Variants in ALDH3A2 observed in about 807,000 individuals in gnomAD.
ALDH3A2 encodes the protein aldehyde dehydrogenase family 3 member A2.
In ALDH3A2, 36 loss-of-function variants were observed where a neutral mutation model predicts 51.3. The observed-to-expected ratio is 0.70, with a 90% CI of 0.54 to 0.93. The LOEUF (loss-of-function observed/expected upper bound fraction) is 0.93, where lower values mean the gene tolerates loss of function less well. Among genes scored for constraint, ALDH3A2 ranks in the 40% least tolerant of loss-of-function variants. ALDH3A2 has a pLI of 0.00. For synonymous variants in ALDH3A2, 199 were observed against 219.8 expected (o/e 0.91, Z 0.84); for missense variants, 552 against 603.1 (o/e 0.92, Z 0.89).
At chr17:19,658,554 GTC>G (rs1257056690) in intron 5 of ALDH3A2, among the ~76,000 whole-genome samples, 3 of 151,692 alleles carry the variant, frequency 2.0e-5, no homozygotes, top group African/African-American at 7.3e-5. Context: ...GTGAAACCCT[GTC>G]TCTACTAAAA....
intron 9 of ALDH3A2, 53 bp from the exon 10 acceptor site, chr17:19,675,505 G>A (rs2152334471): frequency 6.3e-7 from 1 of 1,593,146 alleles, no homozygotes; most frequent in South Asian, 1.1e-5. Context: ...GGCTGGTTGT[G>A]GGTAGGTTTT....
chr17:19,663,489 A>G lies in ALDH3A2; in HGVS notation c.1097A>G (p.His366Arg), dbSNP rs1320990535. ...EKPLALYVFS[H>R]NHKLIKRMID... is the part of the protein sequence containing the mutation. ...CCTCTGGCTCTTTATGTATTTTCGC[A>G]TAACCATAAGGTAAGCTTTAGAGAG... The change falls in exon 7 of 10, where the codon CAT (histidine) becomes CGT (arginine). Residue 366 changes from histidine (H) to arginine (R), a missense_variant. Physicochemically the swap from His to Arg is conservative, Grantham distance 29. Transcript: ENST00000176643. The G allele has an allele frequency of 2.3e-5, 37 of 1,613,998 alleles. No homozygotes were observed. The highest frequency in any genetic ancestry group is 3.1e-5 in the Non-Finnish European group (37 of 1,180,016).
intron 9 of ALDH3A2, chr17:19,674,404 C>T (rs1418893793): frequency 6.6e-6 from 1 of 152,116 alleles, no homozygotes; most frequent in African/African-American, 2.4e-5. Flanking sequence ...CAGGCAGGTT[C>T]GAGTTCCCAA....
intron 2 of ALDH3A2, 120 bp downstream of exon 2, chr17:19,651,898 C>CTGGTGGTGTAAA: frequency 1.1e-6 from 1 of 905,120 alleles, no homozygotes; most frequent in Non-Finnish European, 1.8e-6. Flanking sequence ...TTTGTTTACA[C>CTGGTGGTGTAAA]CACCAGTGTA....
chr17:19,657,933 G>A (rs2152328813), intron 5 of ALDH3A2, 71 bp downstream of exon 5: 6 of 1,226,418 alleles, frequency 4.9e-6, no homozygotes, highest in Non-Finnish European at 7.1e-6. Flanking sequence ...TTCGCAGGCA[G>A]CATCCCCATT....
chr17:19,668,672 C>T (rs2085071881), intron 8 of ALDH3A2, among the ~76,000 whole-genome samples: 1 of 80,370 alleles, frequency 1.2e-5, no homozygotes, highest in Non-Finnish European at 2.8e-5. Flanking sequence ...CACCTGTAAT[C>T]CCAGCACTTG....
chr17:19,663,495 A>G lies in ALDH3A2; in HGVS notation c.1103A>G (p.His368Arg), dbSNP rs2084996132. Residue 368 changes from histidine to arginine, a missense_variant, in exon 7 of 10, where the codon CAT becomes CGT. Physicochemically the swap from His to Arg is conservative, Grantham distance 29. Coordinates refer to ENST00000176643, the MANE Select transcript of ALDH3A2 (RefSeq NM_000382.3). ...GCTCTTTATGTATTTTCGCATAACCATAAGGTAAGCTTTAGAGAGAACAGC... is the reference window on the plus strand; with the variant it reads ...GCTCTTTATGTATTTTCGCATAACCGTAAGGTAAGCTTTAGAGAGAACAGC... ...PLALYVFSHN[H>R]KLIKRMIDET... 2 of 1,613,896 alleles carry G rather than the reference A, an allele frequency of 1.2e-6. No homozygotes were observed. Among genetic ancestry groups the G allele is most frequent in the Non-Finnish European group, 1.7e-6 (2 of 1,179,990 alleles).
Position 19,676,359 on chromosome 17 carries a change from T to TA in ALDH3A2, c.*793dup, listed in dbSNP as rs2085188682. On this transcript the variant is annotated 3_prime_UTR_variant, in exon 10 of 10. Coordinates refer to ENST00000176643, the MANE Select transcript of ALDH3A2 (RefSeq NM_000382.3). ...CATCTTATAAAACCTAACTGGCATTTAAAAAATACTGTGGCCGGGCGTGGT... is the reference window on the plus strand; with the variant it reads ...CATCTTATAAAACCTAACTGGCATTTAAAAAAATACTGTGGCCGGGCGTGGT... The TA allele has an allele frequency of 6.6e-6, 1 of 152,168 alleles. No homozygotes were observed. Among genetic ancestry groups the TA allele is most frequent in the Admixed American group, 6.5e-5 (1 of 15,280 alleles). The allele number at this position is 152,168 out of a possible 1,614,324, so 9.4% of individuals were successfully genotyped here. A position where few individuals can be genotyped will look rare whatever the true frequency, so the allele number is the denominator to read the frequency against.
At chr17:19,652,470 C>G (rs1009960592) in intron 2 of ALDH3A2, 77 bp from the exon 3 acceptor site, 3 of 1,099,044 alleles carry the variant, frequency 2.7e-6, no homozygotes, top group Non-Finnish European at 4.2e-6. Flanking sequence ...CTAGCCTGTT[C>G]TTCCCACTGA....
intron 5 of ALDH3A2, among the ~76,000 whole-genome samples, chr17:19,658,350 T>C (rs112820756): frequency 1.3e-4 from 20 of 152,084 alleles, no homozygotes; most frequent in Non-Finnish European, 4.4e-5. Flanking sequence ...TTAAAGTAAA[T>C]ATTTGCAGTG....
At chr17:19,658,712 C>T (rs972736185) in intron 5 of ALDH3A2, among the ~76,000 whole-genome samples, 7 of 149,458 alleles carry the variant, frequency 4.7e-5, no homozygotes, top group African/African-American at 1.7e-4. Flanking sequence ...CACGCCACTG[C>T]ACTCCAGCCT....
In ALDH3A2 at chr17:19,654,352, G is replaced by A. The variant is rs2084864325; in HGVS notation, c.471+1720G>A. Reference sequence around the variant, plus strand: ...TGGGCGGTCGATGGGACTGGGCGCTGTGGAGCAGGGGGCGGCGCCCATCAG... The same window carrying A: ...TGGGCGGTCGATGGGACTGGGCGCTATGGAGCAGGGGGCGGCGCCCATCAG... On this transcript the variant is annotated intron_variant, in intron 3 of 9. Transcript: ENST00000176643. This position sits in a 1 kb window ranked among gnomAD's most constrained non-coding sequence, Gnocchi z 4.5. Among the ~76,000 whole-genome samples the A allele has an allele frequency of 6.6e-6, 1 of 152,254 alleles. No individual in the cohort carries two copies. The highest frequency in any genetic ancestry group is 1.5e-5 in the Non-Finnish European group (1 of 68,046).
intron 5 of ALDH3A2, among the ~76,000 whole-genome samples, chr17:19,658,146 G>A (rs941387117): frequency 1.2e-4 from 19 of 152,280 alleles, no homozygotes; most frequent in African/African-American, 2.4e-4. Context: ...TCGTGTGTCC[G>A]TGGTTTTGAG....
intron 1 of ALDH3A2, chr17:19,649,355 A>C (rs866121641): frequency 5.4e-6 from 3 of 551,154 alleles, no homozygotes; most frequent in Middle Eastern, 4.8e-4. Context: ...TGCCTTTTCT[A>C]TTCTTGTCCA....
chr17:19,656,058 G>C lies in ALDH3A2; in HGVS notation c.472-308G>C, dbSNP rs2072333. The C allele has an allele frequency of 1.1e-3, 440 of 396,358 alleles. 1 individual carries two copies. The highest frequency in any genetic ancestry group is 1.8e-3 in the Non-Finnish European group (385 of 208,348). The allele number at this position is 396,358 out of a possible 1,614,324, so 24.6% of individuals were successfully genotyped here. A position where few individuals can be genotyped will look rare whatever the true frequency, so the allele number is the denominator to read the frequency against. The stretch of plus-strand genomic sequence containing the variant: ...ACCAGAGGCACTTCTGCACACACCC[G>C]CGTCTCATGCATTTTCCCTGGTCAA... On this transcript the variant is annotated intron_variant, in intron 3 of 9. Transcript: ENST00000176643.
intron 6 of ALDH3A2, 145 bp downstream of exon 6, chr17:19,661,413 T>C: frequency 1.1e-6 from 1 of 903,268 alleles, no homozygotes; most frequent in African/African-American, 1.7e-5. Context: ...ACTGTACCTG[T>C]AGCTTTTGTT....
chr17:19,653,851 A>G (rs1444094608), intron 3 of ALDH3A2, among the ~76,000 whole-genome samples: 1 of 152,120 alleles, frequency 6.6e-6, no homozygotes, highest in Non-Finnish European at 1.5e-5. Flanking sequence ...TGATTGGTCC[A>G]TTTTACAGAG....
intron 1 of ALDH3A2, among the ~76,000 whole-genome samples, chr17:19,650,840 CTCAA>C (rs1365366607): frequency 5.3e-5 from 8 of 152,166 alleles, no homozygotes; most frequent in Non-Finnish European, 1.2e-4. Flanking sequence ...CCACAATCCC[CTCAA>C]TCAAAGATTA....
chr17:19,657,841 G>T lies in ALDH3A2; in HGVS notation c.777G>T (p.Trp259Cys), dbSNP rs1555533754. 1.2e-6 allele frequency: 2 copies of T among 1,607,880 alleles called. No homozygotes were observed. Among genetic ancestry groups the T allele is most frequent in the Non-Finnish European group, 8.5e-7 (1 of 1,174,472 alleles). ...CATCCCTCCAAAATCAAATTGTATG[G>T]AAGATTAAGGAAACAGTGAAGGTTT... The part of the protein sequence containing the change: ...CEASLQNQIV[W>C]KIKETVKEFY... Residue 259 changes from tryptophan to cysteine, a missense_variant, in exon 5 of 10, where the codon TGG (tryptophan) becomes TGT (cysteine). Trp to Cys is a radical substitution (Grantham distance 215). Transcript: ENST00000176643.
Sources: gnomAD v4.1 joint callset for allele counts (sites outside exome capture counted in the v4.1 genomes callset) on GRCh38, gnomAD v4.1.1 for gene constraint, Gnocchi (gnomAD v3.1) non-coding constraint, MANE v1.5 for transcripts, NCBI Gene and HGNC (gene_info 2026-07-23, HGNC 2026-07-21) for gene names.